The following USP34 variants were observed in gnomAD, a reference collection of about 807,000 sequenced individuals.
USP34 encodes the protein ubiquitin carboxyl-terminal hydrolase 34.
A neutral mutation model predicts 460.3 loss-of-function variants in USP34; 70 were observed. That is an observed-to-expected ratio of 0.15 (90% CI 0.13 to 0.19). The LOEUF (loss-of-function observed/expected upper bound fraction) is 0.19. Among genes scored for constraint, USP34 ranks in the 10% least tolerant of loss-of-function variants. The pLI, the probability that USP34 is intolerant of heterozygous loss-of-function variation, is 1.00. For synonymous variants in USP34, 1,647 were observed against 1,405.3 expected (o/e 1.17, Z -3.85); for missense variants, 3,985 against 4,236.2 (o/e 0.94, Z 1.65).
At chr2:61,369,504 G>T (rs554740469) in intron 10 of USP34, among the ~76,000 whole-genome samples, 1 of 151,892 alleles carries the variant, frequency 6.6e-6, no homozygotes, top group African/African-American at 2.4e-5. Flanking sequence ...TTAGCTGGGC[G>T]TGGCGGTGCA....
Position 61,203,257 on chromosome 2 carries a change from C to G in USP34, c.9391G>C (p.Asp3131His). 1 of 1,551,810 alleles carries G rather than the reference C, an allele frequency of 6.4e-7. No individual in the cohort carries two copies. The highest frequency in any genetic ancestry group is 8.7e-7 in the Non-Finnish European group (1 of 1,148,498). Residue 3131 changes from aspartate (D) to histidine (H), a missense_variant, in exon 75 of 80, where the codon GAT (aspartate) becomes CAT (histidine). Physicochemically the swap from Asp to His is moderately conservative, Grantham distance 81. Transcript: ENST00000398571. ...AGCAGCATACGATCATAAACGTCAT[C>G]TTTGCCCTGAAGGTTAAAGATGATA... is the stretch of plus-strand genomic sequence containing the variant. ...PTMVETSKGK[D>H]DVYDRMLLDY... is the part of the protein sequence containing the mutation.
At chr2:61,450,457 A>G (rs1695238423) in intron 1 of USP34, among the ~76,000 whole-genome samples, 2 of 152,072 alleles carry the variant, frequency 1.3e-5, no homozygotes, top group African/African-American at 4.8e-5. Context: ...AAGTGGCAAA[A>G]CCCCAATTAT....
chr2:61,190,087 A>T lies in USP34; in HGVS notation c.9873+184T>A, dbSNP rs1335597021. 8.2e-6 allele frequency: 5 copies of T among 606,650 alleles called. No individual in the cohort carries two copies. The East Asian group carries it at 1.2e-4, about 15-fold the overall frequency. The allele number at this position is 606,650 out of a possible 1,614,324, so 37.6% of individuals were successfully genotyped here. On this transcript the variant is annotated intron_variant, in intron 78 of 79. Transcript: ENST00000398571. Reference sequence around the variant, plus strand: ...ATACCAGCTTGTAGCTTCCAAGGTGATAGAGTGTGCTGTGTACATACAAGG... The same window carrying T: ...ATACCAGCTTGTAGCTTCCAAGGTGTTAGAGTGTGCTGTGTACATACAAGG...
At chr2:61,414,236 A>T (rs961452587) in intron 2 of USP34, among the ~76,000 whole-genome samples, 2 of 151,764 alleles carry the variant, frequency 1.3e-5, no homozygotes, top group Non-Finnish European at 2.9e-5. Context: ...CTACAGAGGG[A>T]GACTCCATCT....
intron 42 of USP34, 25 bp from the exon 43 acceptor site, chr2:61,265,582 G>C (rs774102303): frequency 6.3e-7 from 1 of 1,575,082 alleles, no homozygotes; most frequent in South Asian, 1.2e-5. Context: ...GGGAGGAAAA[G>C]ATCCCCCCCA....
In USP34 at chr2:61,470,718, C is replaced by G; in HGVS notation, c.-26G>C. 6.3e-7 allele frequency: 1 copy of G among 1,587,430 alleles called. No individual in the cohort carries two copies. Among genetic ancestry groups the G allele is most frequent in the Non-Finnish European group, 8.6e-7 (1 of 1,165,804 alleles). ...CGTTCGGCCGCCGCCCCCCCCCTCC[C>G]CCGCTTCGGATCACACTGACTGATC... On this transcript the variant is annotated 5_prime_UTR_variant, in exon 1 of 80. Transcript: ENST00000398571.
chr2:61,200,815 T>C (rs1331558166), intron 75 of USP34: 2 of 152,340 alleles, frequency 1.3e-5, no homozygotes, highest in Non-Finnish European at 2.9e-5. Context: ...AGCCCTTTCC[T>C]GGGCCTCTCC....
chr2:61,293,737 G>A (rs1689932265), intron 32 of USP34, among the ~76,000 whole-genome samples, 187 bp from the exon 33 acceptor site: 1 of 152,154 alleles, frequency 6.6e-6, no homozygotes, highest in South Asian at 2.1e-4. Flanking sequence ...ATTTAAGGGT[G>A]GGTGCAATGG....
At chr2:61,233,885 A>AAT (rs1687989260) in intron 57 of USP34, among the ~76,000 whole-genome samples, 1 of 152,042 alleles carries the variant, frequency 6.6e-6, no homozygotes, top group Non-Finnish European at 1.5e-5. Flanking sequence ...AGTCACTTCT[A>AAT]ATATTACTGG....
rs1260038835 is a variant in USP34 at position 61,353,570 on chromosome 2, T to G, written c.1252-2877A>C. ...CCACACCCAGCTAGTTTTGTTTTTG[T>G]TTTTGTTTTTTTTGTTTAGTTGGGT... On this transcript the variant is annotated intron_variant, in intron 10 of 79. Transcript: ENST00000398571. Among the ~76,000 whole-genome samples, 21 of 122,674 alleles carry G rather than the reference T, an allele frequency of 1.7e-4. No individual in the cohort carries two copies. The South Asian group carries it at 4.2e-3, about 25-fold the overall frequency. The allele number at this position is 122,674 out of a possible 152,430, so 80.5% of individuals were successfully genotyped here. A position where few individuals can be genotyped will look rare whatever the true frequency, so the allele number is the denominator to read the frequency against.
intron 39 of USP34, among the ~76,000 whole-genome samples, chr2:61,279,082 T>G (rs2103952334): frequency 6.6e-6 from 1 of 151,448 alleles, no homozygotes; most frequent in East Asian, 1.9e-4. Flanking sequence ...TTAGCTCAAA[T>G]GGGCAAGCCC....
intron 53 of USP34, among the ~76,000 whole-genome samples, chr2:61,241,335 C>T (rs1182776397): frequency 6.6e-6 from 1 of 152,178 alleles, no homozygotes; most frequent in African/African-American, 2.4e-5. Context: ...AATCACCACA[C>T]CCAGTCGCCT....
intron 21 of USP34, among the ~76,000 whole-genome samples, chr2:61,324,765 T>G (rs564206264): frequency 6.6e-6 from 1 of 151,986 alleles, no homozygotes; most frequent in Non-Finnish European, 1.5e-5. Flanking sequence ...TGTGAGACCA[T>G]GTCTCAAAAA....
intron 8 of USP34, among the ~76,000 whole-genome samples, chr2:61,377,080 A>T (rs1419891791): frequency 6.6e-6 from 1 of 152,246 alleles, no homozygotes; most frequent in South Asian, 2.1e-4. Context: ...GATCACTGAC[A>T]AAGAATATTG....
chr2:61,433,122 G>A (rs1558591294), intron 1 of USP34, among the ~76,000 whole-genome samples: 1 of 152,216 alleles, frequency 6.6e-6, no homozygotes, highest in African/African-American at 2.4e-5. Flanking sequence ...AGGTGTGTCA[G>A]AGAGACCATC....
intron 76 of USP34, 35 bp from the exon 77 acceptor site, chr2:61,190,693 T>G (rs1012359420): frequency 6.3e-7 from 1 of 1,584,006 alleles, no homozygotes. Context: ...GCACTTACGG[T>G]TGAGCACGGA....
At chr2:61,250,866 C>A (rs890648733) in intron 48 of USP34, among the ~76,000 whole-genome samples, 3 of 152,140 alleles carry the variant, frequency 2.0e-5, no homozygotes, top group Admixed American at 6.5e-5. Context: ...AGGCTGGGTG[C>A]GGTGGCTCAC....
chr2:61,233,955 C>T (rs1030517450), intron 57 of USP34, among the ~76,000 whole-genome samples: 2 of 151,808 alleles, frequency 1.3e-5, no homozygotes, highest in Non-Finnish European at 2.9e-5. Flanking sequence ...GAAATATATA[C>T]TGGGTGTTTA....
At position 61,347,976 on chromosome 2, in the gene USP34, C is replaced by T; in HGVS notation, c.2179G>A (p.Gly727Arg). ...CCAATAGTCTCCCCAAGGAAGTCCC[C>T]AGTTCGTGTGATACAAGACTCCTGA... ...GSQESCITRT[G>R]DFLGETIGNE... The change falls in exon 15 of 80, where the codon GGG becomes AGG. Residue 727 changes from glycine (G) to arginine (R), a missense_variant. By Grantham distance (125) the Gly-to-Arg change is moderately radical. Around this residue, in one of 14 missense-constraint regions of USP34, gnomAD observed 716 missense variants for 626.2 expected, o/e 1.14. Coordinates refer to ENST00000398571, the MANE Select transcript of USP34 (RefSeq NM_014709.4). 1 of 1,614,112 alleles carries T rather than the reference C, an allele frequency of 6.2e-7. No homozygotes were observed. The highest frequency in any genetic ancestry group is 8.5e-7 in the Non-Finnish European group (1 of 1,180,024).
Sources: gnomAD v4.1 joint callset for allele counts (sites outside exome capture counted in the v4.1 genomes callset) on GRCh38, gnomAD v4.1.1 for gene constraint, gnomAD v4.1.1 regional missense constraint, MANE v1.5 for transcripts, NCBI Gene and HGNC (gene_info 2026-07-23, HGNC 2026-07-21) for gene names.